The following NRG1 variants were observed in gnomAD, a reference collection of about 807,000 sequenced individuals.
NRG1 encodes the protein pro-neuregulin-1, membrane-bound isoform.
Under a neutral mutation model 63.8 loss-of-function variants are expected in NRG1, and 18 were observed. That is an observed-to-expected ratio of 0.28 (90% CI 0.19 to 0.42). The LOEUF (loss-of-function observed/expected upper bound fraction) is 0.42. Ranked by LOEUF, NRG1 falls within the 10% of genes least tolerant of loss-of-function variation. The probability of loss-of-function intolerance (pLI) is 1.00; values close to 1 mark genes in which losing one functional copy is unlikely to be tolerated. For missense variants in NRG1, 762 were observed against 814.7 expected (o/e 0.94, Z 0.79); for synonymous variants, 302 against 301.3 (o/e 1.00, Z -0.02).
At chr8:31,987,182 C>T (rs1398690289) in intron 1 of NRG1, among the ~76,000 whole-genome samples, 1 of 151,778 alleles carries the variant, frequency 6.6e-6, no homozygotes, top group East Asian at 1.9e-4. Context: ...TGCTTGTAGT[C>T]CCAGCTACTT....
At position 31,903,478 on chromosome 8, in the gene NRG1, G is replaced by A. The variant is rs144401023; in HGVS notation, c.37+264047G>A. On this transcript the variant is annotated intron_variant, in intron 1 of 10. Transcript: ENST00000519301. ...CTTCAACTTGATTCTTCCATGAGAG[G>A]CCCTAAACATCATGGCAAAGAGTCT... 1.6e-4 allele frequency among the ~76,000 whole-genome samples: 24 copies of A among 151,994 alleles called. 1 individual carries two copies. The highest frequency in any genetic ancestry group is 5.8e-4 in the African/African-American group (24 of 41,490).
chr8:31,708,726 T>A (rs1811423833), intron 1 of NRG1, among the ~76,000 whole-genome samples: 1 of 152,130 alleles, frequency 6.6e-6, no homozygotes, highest in African/African-American at 2.4e-5. Flanking sequence ...ATTACAGGCG[T>A]GAGCCACCGC....
chr8:31,644,545 C>T (rs1350124528), intron 1 of NRG1, among the ~76,000 whole-genome samples: 3 of 152,076 alleles, frequency 2.0e-5, no homozygotes, highest in Non-Finnish European at 4.4e-5. Flanking sequence ...TTAAGTAAGA[C>T]TAGGAGCTTT....
rs1411057024 is a variant in NRG1 at position 32,599,828 on chromosome 8, T to C, written c.278+3823T>C. Among the ~76,000 whole-genome samples, 3 of 152,320 alleles carry C rather than the reference T, an allele frequency of 2.0e-5. No individual in the cohort carries two copies. The East Asian group carries it at 5.8e-4, about 29-fold the overall frequency. ...ATGTTTCACACACTTTTGGACACCA[T>C]TAATTTTGCCTCAGCTCTTACATAT... On this transcript the variant is annotated intron_variant, in intron 2 of 11. Coordinates refer to ENST00000356819, the Ensembl canonical transcript of NRG1.
At chr8:32,660,069 C>T (rs1354783929) in intron 5 of NRG1, among the ~76,000 whole-genome samples, 1 of 152,150 alleles carries the variant, frequency 6.6e-6, no homozygotes, top group Non-Finnish European at 1.5e-5. Flanking sequence ...TTTTTATGAC[C>T]TGTATAGTAC....
chr8:31,682,103 C>T (rs1808399211), intron 1 of NRG1, among the ~76,000 whole-genome samples: 1 of 152,142 alleles, frequency 6.6e-6, no homozygotes, highest in African/African-American at 2.4e-5. Context: ...TGTGCTCTGC[C>T]TATTCATCCC....
At chr8:32,527,253 A>G (rs569617412) in intron 1 of NRG1, among the ~76,000 whole-genome samples, 3 of 152,288 alleles carry the variant, frequency 2.0e-5, no homozygotes, top group East Asian at 1.9e-4. Flanking sequence ...GTGTCCATCA[A>G]TGGATTGGAT....
At chr8:32,734,404 G>T (rs780846012) in intron 6 of NRG1, among the ~76,000 whole-genome samples, 3 of 152,186 alleles carry the variant, frequency 2.0e-5, no homozygotes, top group Non-Finnish European at 4.4e-5. Context: ...AGAACTTCCA[G>T]TCTATAAGAA....
intron 1 of NRG1, among the ~76,000 whole-genome samples, chr8:32,126,881 G>A (rs866115877): frequency 1.3e-5 from 2 of 151,946 alleles, no homozygotes; most frequent in Middle Eastern, 3.4e-3. Flanking sequence ...CTGTAGAAGA[G>A]CTTCTCAACT....
At chr8:32,413,637 A>C (rs1243076276) in intron 1 of NRG1, among the ~76,000 whole-genome samples, 1 of 152,214 alleles carries the variant, frequency 6.6e-6, no homozygotes. Flanking sequence ...ATACTACAGA[A>C]AACAGACCTA....
downstream of NRG1, among the ~76,000 whole-genome samples, chr8:32,769,973 A>G (rs953790242): frequency 6.6e-6 from 1 of 152,198 alleles, no homozygotes; most frequent in African/African-American, 2.4e-5. Flanking sequence ...TGAGCTTTTT[A>G]AAAACAGACC....
chr8:31,972,288 C>G (rs553464428), intron 1 of NRG1, among the ~76,000 whole-genome samples: 1 of 152,090 alleles, frequency 6.6e-6, no homozygotes, highest in Non-Finnish European at 1.5e-5. Context: ...TGGTCTTACT[C>G]GAATCCCTGT....
chr8:31,913,638 T>C (rs953335322), intron 1 of NRG1, among the ~76,000 whole-genome samples: 7 of 152,122 alleles, frequency 4.6e-5, no homozygotes, highest in Admixed American at 2.0e-4. Context: ...GCAATTATAA[T>C]AAAAAATGCT....
intron 1 of NRG1, among the ~76,000 whole-genome samples, chr8:31,703,618 G>T (rs1162154713): frequency 6.6e-6 from 1 of 152,154 alleles, no homozygotes; most frequent in African/African-American, 2.4e-5. Context: ...CATAGTTGAT[G>T]ACCTTATAGA....
intron 1 of NRG1, among the ~76,000 whole-genome samples, chr8:32,157,432 C>A (rs936613865): frequency 2.0e-5 from 3 of 148,430 alleles, no homozygotes; most frequent in Non-Finnish European, 4.4e-5. Context: ...GAGGCCGAGG[C>A]GGGCGGATCA....
chr8:31,922,464 T>A (rs1030117473), intron 1 of NRG1, among the ~76,000 whole-genome samples: 1 of 152,232 alleles, frequency 6.6e-6, no homozygotes, highest in African/African-American at 2.4e-5. Flanking sequence ...ATGACTTTTA[T>A]CTACCTTTAT....
intron 1 of NRG1, among the ~76,000 whole-genome samples, chr8:32,566,615 C>CA (rs1837500869): frequency 1.3e-5 from 2 of 152,014 alleles, no homozygotes; most frequent in Admixed American, 6.6e-5. Flanking sequence ...AGAATTTGTC[C>CA]AAAAAATGAT....
intron 1 of NRG1, among the ~76,000 whole-genome samples, chr8:32,371,988 C>CATTTT (rs1194038640): frequency 2.2e-5 from 2 of 92,642 alleles, no homozygotes; most frequent in Non-Finnish European, 2.3e-5. Flanking sequence ...TTTTCTTCTT[C>CATTTT]TTCATTTTTT....
chr8:32,204,059 A>G (rs1450971468), intron 1 of NRG1, among the ~76,000 whole-genome samples: 1 of 152,238 alleles, frequency 6.6e-6, no homozygotes, highest in Non-Finnish European at 1.5e-5. Context: ...ATCTACACCT[A>G]CATAGAAGAT....
Sources: allele counts gnomAD v4.1 joint callset (sites outside exome capture counted in the v4.1 genomes callset), GRCh38; gene constraint gnomAD v4.1.1; transcripts MANE v1.5; gene names NCBI Gene and HGNC (gene_info 2026-07-23, HGNC 2026-07-21).